Variants in LRP1B observed in about 807,000 individuals in gnomAD.
LRP1B encodes LDL receptor related protein 1B.
In LRP1B, 217 loss-of-function variants were observed where a neutral mutation model predicts 556.6. The observed-to-expected ratio is 0.39, with a 90% CI of 0.35 to 0.44. The LOEUF (loss-of-function observed/expected upper bound fraction) is 0.44, where lower values mean the gene tolerates loss of function less well. Ranked by LOEUF, LRP1B falls within the 20% of genes least tolerant of loss-of-function variation. LRP1B has a pLI of 1.00. For synonymous variants in LRP1B, 2,047 were observed against 1,865.8 expected (o/e 1.10, Z -2.50); for missense variants, 5,053 against 5,620.8 (o/e 0.90, Z 3.23).
intron 2 of LRP1B, among the ~76,000 whole-genome samples, chr2:141,734,811 A>G (rs1693405145): frequency 6.6e-6 from 1 of 152,172 alleles, no homozygotes; most frequent in African/African-American, 2.4e-5. Context: ...TAACAAAGAT[A>G]GAGACCAGGG....
intron 2 of LRP1B, among the ~76,000 whole-genome samples, chr2:141,651,254 A>G (rs1262317671): frequency 1.3e-5 from 2 of 152,214 alleles, no homozygotes; most frequent in African/African-American, 4.8e-5. Flanking sequence ...ATATATCTAT[A>G]AAAGTAAAAT....
chr2:141,331,568 G>A (rs935238410), intron 3 of LRP1B, among the ~76,000 whole-genome samples: 1 of 43,338 alleles, frequency 2.3e-5, no homozygotes, highest in African/African-American at 1.3e-4. Context: ...TGGGAGGGAG[G>A]GGGAATTTCT....
intron 7 of LRP1B, among the ~76,000 whole-genome samples, chr2:141,124,340 T>G (rs1309891351): frequency 6.6e-6 from 1 of 152,180 alleles, no homozygotes; most frequent in Non-Finnish European, 1.5e-5. Context: ...TATTGTTGCA[T>G]CGCTCACAAG....
intron 43 of LRP1B, among the ~76,000 whole-genome samples, chr2:140,585,867 T>C (rs1271834070): frequency 6.6e-6 from 1 of 152,192 alleles, no homozygotes; most frequent in African/African-American, 2.4e-5. Flanking sequence ...AATCAGTGAT[T>C]TCAATGTCTT....
chr2:140,516,024 G>A (rs72617077), intron 50 of LRP1B, among the ~76,000 whole-genome samples: 33,995 of 151,862 alleles, frequency 0.22, 4,603 homozygotes, highest in East Asian at 0.59. Context: ...GAAACAAAAC[G>A]TAAAAATGCT....
chr2:141,354,635 AG>A (rs1287615018), intron 3 of LRP1B, among the ~76,000 whole-genome samples: 1 of 152,058 alleles, frequency 6.6e-6, no homozygotes, highest in Non-Finnish European at 1.5e-5. Flanking sequence ...GGAGGAAAAA[AG>A]TCTGTTAATA....
At chr2:140,576,311 T>C (rs1681523892) in intron 43 of LRP1B, among the ~76,000 whole-genome samples, 1 of 152,248 alleles carries the variant, frequency 6.6e-6, no homozygotes, top group Non-Finnish European at 1.5e-5. Flanking sequence ...TCTCAAACTT[T>C]TCCTTCCTAC....
chr2:140,287,912 T>TTGG (rs1558773266), intron 84 of LRP1B, among the ~76,000 whole-genome samples: 1 of 151,648 alleles, frequency 6.6e-6, no homozygotes, highest in East Asian at 1.9e-4. Context: ...TTTCACTTTA[T>TTGG]TTGGAAAATG....
chr2:140,883,109 A>G (rs1329087962), intron 25 of LRP1B, among the ~76,000 whole-genome samples: 2 of 152,194 alleles, frequency 1.3e-5, no homozygotes, highest in East Asian at 1.9e-4. Flanking sequence ...AATCTAAGGG[A>G]AAAAGATACA....
chr2:142,109,416 C>A (rs1303859470), intron 1 of LRP1B, among the ~76,000 whole-genome samples: 3 of 152,116 alleles, frequency 2.0e-5, no homozygotes, highest in African/African-American at 4.8e-5. Flanking sequence ...CACTTGAACA[C>A]CCTAGAAATG....
intron 1 of LRP1B, among the ~76,000 whole-genome samples, chr2:142,011,761 A>C (rs1702966265): frequency 6.6e-6 from 1 of 152,196 alleles, no homozygotes; most frequent in Admixed American, 6.5e-5. Flanking sequence ...GAAATGTAAG[A>C]GAGTCAACCA....
chr2:140,795,855 T>C (rs1690284979), intron 32 of LRP1B, among the ~76,000 whole-genome samples: 1 of 152,084 alleles, frequency 6.6e-6, no homozygotes, highest in Non-Finnish European at 1.5e-5. Context: ...TGAGCAGACT[T>C]CAGGAGTAAT....
chr2:140,866,404 T>C (rs548262630), intron 27 of LRP1B, among the ~76,000 whole-genome samples: 7 of 152,232 alleles, frequency 4.6e-5, no homozygotes, highest in Middle Eastern at 3.4e-3. Flanking sequence ...AATGCAAAAA[T>C]GACTAATCTA....
chr2:141,088,925 GGT>G (rs2104904927), intron 7 of LRP1B, among the ~76,000 whole-genome samples: 2 of 151,898 alleles, frequency 1.3e-5, no homozygotes, highest in East Asian at 3.9e-4. Flanking sequence ...ACATAAAAGG[GGT>G]TTTTCTGGAC....
intron 3 of LRP1B, among the ~76,000 whole-genome samples, chr2:141,433,737 C>G (rs772551448): frequency 2.0e-5 from 3 of 149,898 alleles, no homozygotes; most frequent in Non-Finnish European, 4.4e-5. Context: ...TATGTCTGAG[C>G]GTGGTTCTCT....
intron 84 of LRP1B, among the ~76,000 whole-genome samples, chr2:140,289,379 A>C (rs1362249647): frequency 6.6e-6 from 1 of 152,000 alleles, no homozygotes; most frequent in Non-Finnish European, 1.5e-5. Context: ...AAGTGTCTTC[A>C]AAAAACTTTT....
intron 59 of LRP1B, among the ~76,000 whole-genome samples, chr2:140,476,175 GT>G (rs1000343083): frequency 2.0e-5 from 3 of 151,906 alleles, no homozygotes; most frequent in Non-Finnish European, 2.9e-5. Context: ...AGCCATTTGT[GT>G]TTTTCCTCAA....
At chr2:140,252,450 C>T (rs181735008) in intron 86 of LRP1B, among the ~76,000 whole-genome samples, 6 of 151,848 alleles carry the variant, frequency 4.0e-5, no homozygotes, top group Admixed American at 2.6e-4. Context: ...CTGTATAAAA[C>T]GAGGACGCAC....
intron 1 of LRP1B, among the ~76,000 whole-genome samples, chr2:142,063,029 A>G (rs1194370549): frequency 1.4e-5 from 2 of 147,418 alleles, no homozygotes; most frequent in Non-Finnish European, 3.0e-5. Context: ...TATTAGCTCT[A>G]TCTAAAAGAT....
Sources: allele counts gnomAD v4.1 joint callset (sites outside exome capture counted in the v4.1 genomes callset), GRCh38; gene constraint gnomAD v4.1.1; transcripts MANE v1.5; gene names NCBI Gene and HGNC (gene_info 2026-07-23, HGNC 2026-07-21).